The following FAM200B variants were observed in gnomAD, a reference collection of about 807,000 sequenced individuals.
The protein encoded by FAM200B is protein FAM200B.
In FAM200B, 32 loss-of-function variants were observed where a neutral mutation model predicts 33.1. The ratio of observed to expected loss-of-function variants is 0.97; its 90% CI spans 0.73 to 1.30. FAM200B has a LOEUF of 1.30. Ranked by LOEUF, FAM200B falls within the 50% of genes most tolerant of loss-of-function variation. The pLI, the probability that FAM200B is intolerant of heterozygous loss-of-function variation, is 0.00. For synonymous variants in FAM200B, 240 were observed against 264.8 expected (o/e 0.91, Z 0.91); for missense variants, 741 against 754.0 (o/e 0.98, Z 0.20).
chr4:15,666,492 T>C, the FAM200B span, among the ~76,000 whole-genome samples: 1 of 152,144 alleles, frequency 6.6e-6, no homozygotes, highest in Non-Finnish European at 1.5e-5. Flanking sequence ...GGATGATGGT[T>C]ACCAGAGGCT....
At chr4:15,641,598 T>C in the FAM200B span, 3 of 458,350 alleles carry the variant, frequency 6.5e-6, no homozygotes, top group African/African-American at 5.7e-5. Context: ...TTTTATGTTA[T>C]TGGTAAGGCT....
rs555125209 is a variant in FAM200B at position 15,689,509 on chromosome 4, C to G, written c.*558C>G. The G allele has an allele frequency of 6.0e-6, 1 of 167,002 alleles. No homozygotes were observed. The highest frequency in any genetic ancestry group is 1.5e-5 in the Non-Finnish European group (1 of 68,154). The allele number at this position is 167,002 out of a possible 1,614,324, so 10.3% of individuals were successfully genotyped here. The stretch of plus-strand genomic sequence containing the variant: ...TTTCCCCTCACTGGGCATGGTGGCT[C>G]AGACCTGTAATCCCCGCACTTTGGC... On this transcript the variant is annotated 3_prime_UTR_variant, in exon 2 of 2. Coordinates refer to ENST00000422728, the MANE Select transcript of FAM200B (RefSeq NM_001145191.2).
upstream of FAM200B, among the ~76,000 whole-genome samples, chr4:15,679,662 T>C (rs1024232961): frequency 1.3e-5 from 2 of 152,086 alleles, no homozygotes; most frequent in Non-Finnish European, 2.9e-5. Context: ...AACAAGTTAT[T>C]TTTGTTATAT....
At chr4:15,656,200 A>T in the FAM200B span, 4 of 456,222 alleles carry the variant, frequency 8.8e-6, no homozygotes, top group South Asian at 6.2e-5. Flanking sequence ...TTTTAAGCGG[A>T]GGTTCGGAGA....
intron 1 of FAM200B, among the ~76,000 whole-genome samples, chr4:15,685,729 G>A (rs1479825033): frequency 6.6e-6 from 1 of 152,098 alleles, no homozygotes; most frequent in Non-Finnish European, 1.5e-5. Context: ...TTAAGACGTG[G>A]AAATTTTAAT....
the FAM200B span, among the ~76,000 whole-genome samples, chr4:15,675,687 T>C: frequency 6.7e-6 from 1 of 149,910 alleles, no homozygotes; most frequent in Non-Finnish European, 1.5e-5. Flanking sequence ...GTTCGAGCAA[T>C]TCTCCTGCCT....
At chr4:15,638,876 A>T in the FAM200B span, among the ~76,000 whole-genome samples, 1 of 152,204 alleles carries the variant, frequency 6.6e-6, no homozygotes, top group Non-Finnish European at 1.5e-5. Context: ...TACACCAAGA[A>T]GATCCTGGCC....
the FAM200B span, among the ~76,000 whole-genome samples, chr4:15,651,352 G>A: frequency 3.3e-5 from 5 of 152,176 alleles, no homozygotes; most frequent in Non-Finnish European, 7.3e-5. Context: ...ATTACTAATT[G>A]AATGAGTTGG....
the FAM200B span, chr4:15,656,171 C>G: frequency 4.4e-5 from 20 of 456,122 alleles, no homozygotes; most frequent in East Asian, 1.1e-3. Context: ...GGGAAAGAAC[C>G]TTGGTACAAA....
At chr4:15,655,153 T>TC in the FAM200B span, 4 of 1,315,568 alleles carry the variant, frequency 3.0e-6, no homozygotes, top group Non-Finnish European at 4.0e-6. Context: ...CCCAGCCCGC[T>TC]CCCCATCGCC....
At chr4:15,666,548 G>A in the FAM200B span, among the ~76,000 whole-genome samples, 1 of 125,614 alleles carries the variant, frequency 8.0e-6, no homozygotes, top group African/African-American at 2.6e-5. Flanking sequence ...AAAGTGTCAG[G>A]TAGACAGGAG....
At chr4:15,651,376 C>A in the FAM200B span, among the ~76,000 whole-genome samples, 1 of 152,190 alleles carries the variant, frequency 6.6e-6, no homozygotes, top group Non-Finnish European at 1.5e-5. Context: ...AGTTACTTAA[C>A]CACTAAGACT....
upstream of FAM200B, among the ~76,000 whole-genome samples, chr4:15,677,082 ATAAT>A (rs1718021943): frequency 6.6e-6 from 1 of 152,228 alleles, no homozygotes; most frequent in African/African-American, 2.4e-5. Flanking sequence ...CGTTAAAACT[ATAAT>A]AAACTCTGAA....
At chr4:15,659,603 A>G in the FAM200B span, 1 of 276,372 alleles carries the variant, frequency 3.6e-6, no homozygotes, top group Non-Finnish European at 5.5e-6. Flanking sequence ...TAATACTAAA[A>G]TCATAGTCTC....
chr4:15,687,848 T>C lies in FAM200B; in HGVS notation c.871T>C (p.Cys291Arg). Residue 291 changes from cysteine (C) to arginine (R), a missense_variant, in exon 2 of 2, where the codon TGT becomes CGT. Coordinates refer to ENST00000422728, the MANE Select transcript of FAM200B (RefSeq NM_001145191.2). ...VGQYKLNWKN[C>R]KGITSDGTAT... ...CCAATATAAATTAAACTGGAAAAAC[T>C]GTAAAGGAATTACAAGTGATGGCAC... The C allele has an allele frequency of 1.3e-6, 2 of 1,551,282 alleles. No homozygotes were observed. The highest frequency in any genetic ancestry group is 1.7e-6 in the Non-Finnish European group (2 of 1,146,760).
chr4:15,646,194 T>C, the FAM200B span, among the ~76,000 whole-genome samples: 3 of 152,296 alleles, frequency 2.0e-5, no homozygotes, highest in East Asian at 5.8e-4. Flanking sequence ...TAGCTGTATT[T>C]CCATAAAACT....
chr4:15,646,540 TA>T, the FAM200B span, among the ~76,000 whole-genome samples: 1,410 of 151,668 alleles, frequency 9.3e-3, 93 homozygotes, highest in Admixed American at 0.085. Context: ...TAATGCTAAA[TA>T]TTTTTTATTA....
chr4:15,638,429 C>T, the FAM200B span: 1 of 1,102,656 alleles, frequency 9.1e-7, no homozygotes, highest in Non-Finnish European at 1.2e-6. Flanking sequence ...TATTCCTCAA[C>T]CAAAATCTAC....
chr4:15,659,642 G>T, the FAM200B span: 1 of 464,154 alleles, frequency 2.2e-6, no homozygotes, highest in Non-Finnish European at 2.8e-6. Flanking sequence ...GATATAATGT[G>T]TATAGTGGTC....
Sources: gnomAD v4.1 joint callset for allele counts (sites outside exome capture counted in the v4.1 genomes callset) on GRCh38, gnomAD v4.1.1 for gene constraint, MANE v1.5 for transcripts, NCBI Gene and HGNC (gene_info 2026-07-23, HGNC 2026-07-21) for gene names.